Variants in CYSTM1 observed in about 807,000 individuals in gnomAD.
CYSTM1 encodes the protein cysteine-rich transmembrane module-containing protein 1.
CYSTM1 carries 4 observed loss-of-function variants against 13.1 expected under a neutral mutation model. That is an observed-to-expected ratio of 0.31 (90% CI 0.15 to 0.70). The LOEUF (loss-of-function observed/expected upper bound fraction) is 0.70, where lower values mean the gene tolerates loss of function less well. Ranked by LOEUF, CYSTM1 falls within the 30% of genes least tolerant of loss-of-function variation. CYSTM1 has a pLI of 0.72. For synonymous variants in CYSTM1, 36 were observed against 42.7 expected (o/e 0.84, Z 0.62); for missense variants, 96 against 121.6 (o/e 0.79, Z 0.99).
At chr5:140,227,258 G>A (rs1001350612) in intron 2 of CYSTM1, among the ~76,000 whole-genome samples, 3 of 152,200 alleles carry the variant, frequency 2.0e-5, no homozygotes, top group African/African-American at 7.2e-5. Flanking sequence ...GCCACCTGGT[G>A]TGAAGGGCCA....
At chr5:140,198,227 CAGAA>C (rs1416885559) in intron 2 of CYSTM1, among the ~76,000 whole-genome samples, 2 of 152,222 alleles carry the variant, frequency 1.3e-5, no homozygotes, top group Non-Finnish European at 2.9e-5. Context: ...ATCTGAGACT[CAGAA>C]AGGTTGTTTC....
intron 2 of CYSTM1, among the ~76,000 whole-genome samples, chr5:140,206,515 T>TTGC (rs1241879048): frequency 1.7e-4 from 26 of 152,202 alleles, no homozygotes; most frequent in Non-Finnish European, 1.2e-4. Context: ...TGGGTTCCTT[T>TTGC]TCCTCCTCCT....
intron 2 of CYSTM1, among the ~76,000 whole-genome samples, chr5:140,220,612 T>C (rs1032038638): frequency 6.6e-6 from 1 of 152,154 alleles, no homozygotes; most frequent in Non-Finnish European, 1.5e-5. Flanking sequence ...CTCTTGTTTC[T>C]GGACTCCTCT....
At chr5:140,216,580 G>A (rs1470677793) in intron 2 of CYSTM1, among the ~76,000 whole-genome samples, 1 of 152,100 alleles carries the variant, frequency 6.6e-6, no homozygotes, top group Non-Finnish European at 1.5e-5. Context: ...TGAGGGAGTG[G>A]GTTCCTTCTC....
chr5:140,186,320 C>T (rs1361760010), intron 1 of CYSTM1, among the ~76,000 whole-genome samples: 1 of 152,182 alleles, frequency 6.6e-6, no homozygotes, highest in Non-Finnish European at 1.5e-5. Context: ...TAGAAGTCTG[C>T]TCTTAGCAAG....
In CYSTM1 at chr5:140,212,983, G is replaced by GTGTATATATATATA. The variant is rs1405430820; in HGVS notation, c.187+18332_187+18333insGTATATATATATAT. Among the ~76,000 whole-genome samples, 85 of 114,292 alleles carry GTGTATATATATATA rather than the reference G, an allele frequency of 7.4e-4. 7 individuals carry two copies. The highest frequency in any genetic ancestry group is 4.4e-3 in the South Asian group (12 of 2,740). The allele number at this position is 114,292 out of a possible 152,430, so 75.0% of individuals were successfully genotyped here. A position where few individuals can be genotyped will look rare whatever the true frequency, so the allele number is the denominator to read the frequency against. ...ACTCTGTCTCAAAAACAAAACAAAA[G>GTGTATATATATATA]TATATATATATATATATATATATAT... On this transcript the variant is annotated intron_variant, in intron 2 of 2. Coordinates refer to ENST00000261811, the MANE Select transcript of CYSTM1 (RefSeq NM_032412.4).
intron 1 of CYSTM1, among the ~76,000 whole-genome samples, chr5:140,185,582 G>A (rs1764006984): frequency 6.6e-6 from 1 of 152,222 alleles, no homozygotes; most frequent in African/African-American, 2.4e-5. Flanking sequence ...ACCCAGCAAT[G>A]TGTTTAAAAT....
At chr5:140,199,928 A>G (rs1764206531) in intron 2 of CYSTM1, among the ~76,000 whole-genome samples, 1 of 152,086 alleles carries the variant, frequency 6.6e-6, no homozygotes, top group African/African-American at 2.4e-5. Flanking sequence ...TTCTTTTGAG[A>G]AGTGTCTGTT....
At chr5:140,241,586 G>A (rs1764749342) in intron 2 of CYSTM1, among the ~76,000 whole-genome samples, 1 of 152,232 alleles carries the variant, frequency 6.6e-6, no homozygotes, top group African/African-American at 2.4e-5. Flanking sequence ...CCAGGGGCAG[G>A]CGAGCCAATC....
At chr5:140,233,265 T>C (rs1054783691) in intron 2 of CYSTM1, among the ~76,000 whole-genome samples, 2 of 152,206 alleles carry the variant, frequency 1.3e-5, no homozygotes, top group African/African-American at 4.8e-5. Flanking sequence ...TGGAATGTCA[T>C]TCCAGGATAC....
intron 2 of CYSTM1, among the ~76,000 whole-genome samples, chr5:140,224,161 C>T (rs1297785884): frequency 3.3e-5 from 5 of 152,076 alleles, no homozygotes; most frequent in Non-Finnish European, 5.9e-5. Context: ...TTTTTTGAGA[C>T]GGAGTTTCGT....
At chr5:140,229,696 T>C (rs539644485) in intron 2 of CYSTM1, among the ~76,000 whole-genome samples, 102 of 152,128 alleles carry the variant, frequency 6.7e-4, no homozygotes, top group Non-Finnish European at 1.2e-3. Context: ...TATTTATTTA[T>C]GTATTTATTT....
chr5:140,180,260 C>G (rs761174166), intron 1 of CYSTM1, among the ~76,000 whole-genome samples: 2 of 152,124 alleles, frequency 1.3e-5, no homozygotes, highest in Non-Finnish European at 2.9e-5. Context: ...TAGTAGGATT[C>G]GAGTGCTTGC....
chr5:140,201,320 C>G (rs1404727546), intron 2 of CYSTM1: 3 of 152,174 alleles, frequency 2.0e-5, no homozygotes, highest in African/African-American at 7.2e-5. Flanking sequence ...CACTAGATGT[C>G]TCATCCAATA....
intron 2 of CYSTM1, among the ~76,000 whole-genome samples, chr5:140,231,183 T>G (rs1764613886): frequency 6.6e-6 from 1 of 152,268 alleles, no homozygotes; most frequent in Non-Finnish European, 1.5e-5. Context: ...TTTTATTGGT[T>G]TTTAAAATTA....
intron 1 of CYSTM1, among the ~76,000 whole-genome samples, chr5:140,177,077 A>AC (rs1561806678): frequency 7.3e-5 from 11 of 151,004 alleles, no homozygotes; most frequent in African/African-American, 9.7e-5. Flanking sequence ...TCAAAAAAAA[A>AC]AAAAAAAAAA....
intron 1 of CYSTM1, among the ~76,000 whole-genome samples, chr5:140,193,685 G>A (rs1416222116): frequency 1.3e-5 from 2 of 152,224 alleles, no homozygotes; most frequent in Non-Finnish European, 1.5e-5. Flanking sequence ...TCAAGAGAAT[G>A]ATTAACAGGC....
intron 2 of CYSTM1, among the ~76,000 whole-genome samples, chr5:140,211,979 AT>A (rs1295108698): frequency 6.6e-6 from 1 of 152,190 alleles, no homozygotes; most frequent in East Asian, 1.9e-4. Context: ...CCCTTCAGTA[AT>A]TCAGTGCCAG....
intron 2 of CYSTM1, among the ~76,000 whole-genome samples, chr5:140,227,809 A>T (rs1278226895): frequency 6.6e-6 from 1 of 152,094 alleles, no homozygotes; most frequent in Non-Finnish European, 1.5e-5. Context: ...AGCAGCTTTG[A>T]GTGTGGCATT....
Sources: gnomAD v4.1 joint callset for allele counts (sites outside exome capture counted in the v4.1 genomes callset) on GRCh38, gnomAD v4.1.1 for gene constraint, MANE v1.5 for transcripts, NCBI Gene and HGNC (gene_info 2026-07-23, HGNC 2026-07-21) for gene names.